The following LY96 variants were observed in gnomAD, a reference collection of about 807,000 sequenced individuals.
LY96 encodes the protein myeloid differentiation protein-2.
LY96 carries 18 observed loss-of-function variants against 18.9 expected under a neutral mutation model. The observed-to-expected ratio is 0.95, with a 90% CI of 0.66 to 1.41. The LOEUF is 1.41. LY96 is among the 40% of genes most tolerant of loss of function. The pLI, the probability that LY96 is intolerant of heterozygous loss-of-function variation, is 0.00. For synonymous variants in LY96, 66 were observed against 62.6 expected, an observed-to-expected ratio of 1.06 and a Z score of -0.26; for missense variants, 175 against 182.4, an observed-to-expected ratio of 0.96 and a Z score of 0.23.
At chr8:74,008,952 G>C (rs939379910) in intron 2 of LY96, among the ~76,000 whole-genome samples, 2 of 152,310 alleles carry the variant, frequency 1.3e-5, no homozygotes, top group African/African-American at 2.4e-5. Context: ...AGGGAAAGGA[G>C]CAGGCAGTTC....
chr8:74,025,805 C>T (rs1816859136), intron 3 of LY96, among the ~76,000 whole-genome samples: 1 of 152,106 alleles, frequency 6.6e-6, no homozygotes, highest in Non-Finnish European at 1.5e-5. Context: ...GTTGGGAGTT[C>T]GAGACCAGCC....
At chr8:74,094,398 T>C in the LY96 span, among the ~76,000 whole-genome samples, 1 of 152,210 alleles carries the variant, frequency 6.6e-6, no homozygotes, top group Admixed American at 6.5e-5. Flanking sequence ...TGTGCTAGTA[T>C]TGTTGAAGAT....
the LY96 span, among the ~76,000 whole-genome samples, chr8:74,070,096 T>C: frequency 6.7e-6 from 1 of 148,542 alleles, no homozygotes; most frequent in Non-Finnish European, 1.5e-5. Context: ...CCAATTTTCT[T>C]TCTTTTTTTT....
chr8:74,010,319 A>G (rs887518164), intron 3 of LY96, among the ~76,000 whole-genome samples, 190 bp downstream of exon 3: 13 of 152,174 alleles, frequency 8.5e-5, no homozygotes, highest in African/African-American at 2.7e-4. Flanking sequence ...TGACACTTAC[A>G]TGATTTGTAT....
the LY96 span, among the ~76,000 whole-genome samples, chr8:74,071,117 G>A: frequency 1.3e-5 from 2 of 152,156 alleles, no homozygotes; most frequent in African/African-American, 4.8e-5. Context: ...GCAGGTGTCA[G>A]AGCCAGGCAG....
the LY96 span, among the ~76,000 whole-genome samples, chr8:74,098,874 G>A: frequency 1.3e-5 from 2 of 152,192 alleles, no homozygotes; most frequent in Non-Finnish European, 2.9e-5. Context: ...TTTCTAAAAT[G>A]TAGCCAGTAA....
At chr8:74,053,833 C>T in the LY96 span, among the ~76,000 whole-genome samples, 4 of 152,108 alleles carry the variant, frequency 2.6e-5, no homozygotes, top group Non-Finnish European at 4.4e-5. Context: ...AGGGTAAGAC[C>T]CCCATGGTGA....
chr8:74,061,342 G>A, the LY96 span, among the ~76,000 whole-genome samples: 1 of 152,186 alleles, frequency 6.6e-6, no homozygotes, highest in South Asian at 2.1e-4. Flanking sequence ...CAGCACACTG[G>A]AACAAAACAA....
At chr8:74,011,471 C>T (rs1042939078) in intron 3 of LY96, among the ~76,000 whole-genome samples, 5 of 152,252 alleles carry the variant, frequency 3.3e-5, no homozygotes, top group Admixed American at 1.3e-4. Context: ...AGAAAAAATT[C>T]GCAAACTATT....
At chr8:73,997,247 C>T (rs1201349684) in intron 1 of LY96, among the ~76,000 whole-genome samples, 1 of 152,190 alleles carries the variant, frequency 6.6e-6, no homozygotes, top group Non-Finnish European at 1.5e-5. Context: ...TATCTCTTTC[C>T]CTCACCTATT....
downstream of LY96, among the ~76,000 whole-genome samples, chr8:74,031,160 C>T (rs962238931): frequency 1.9e-4 from 29 of 152,070 alleles, no homozygotes; most frequent in Admixed American, 4.6e-4. Context: ...TTCCTCCTTT[C>T]CTGTCCATGA....
At chr8:74,068,368 A>G in the LY96 span, among the ~76,000 whole-genome samples, 1 of 152,088 alleles carries the variant, frequency 6.6e-6, no homozygotes, top group African/African-American at 2.4e-5. Context: ...CTATTCATTT[A>G]CCTTTTGACA....
At chr8:74,032,495 T>C (rs10091898), downstream of LY96, among the ~76,000 whole-genome samples, 8,554 of 152,274 alleles carry the variant, frequency 0.056, 789 homozygotes, top group African/African-American at 0.19. Context: ...AGCCCCCTGT[T>C]ACGTACCCCC....
At chr8:74,077,283 A>G in the LY96 span, among the ~76,000 whole-genome samples, 1 of 152,180 alleles carries the variant, frequency 6.6e-6, no homozygotes, top group Admixed American at 6.5e-5. Flanking sequence ...GCATAAACTC[A>G]GGTGTGATCT....
the LY96 span, among the ~76,000 whole-genome samples, chr8:74,084,935 A>G: frequency 4.6e-5 from 7 of 152,168 alleles, no homozygotes; most frequent in Non-Finnish European, 7.4e-5. Flanking sequence ...CTTAAATTCA[A>G]CTTTGTAGAG....
At chr8:74,018,972 A>C (rs1405306361) in intron 3 of LY96, among the ~76,000 whole-genome samples, 1 of 152,118 alleles carries the variant, frequency 6.6e-6, no homozygotes, top group Admixed American at 6.5e-5. Flanking sequence ...GAGAAAGCAG[A>C]AAAGATCTAA....
chr8:74,089,873 A>AG, the LY96 span, among the ~76,000 whole-genome samples: 1 of 152,234 alleles, frequency 6.6e-6, no homozygotes, highest in South Asian at 2.1e-4. Context: ...TGTGTCATGT[A>AG]GGCATCTGAG....
the LY96 span, among the ~76,000 whole-genome samples, chr8:74,063,655 A>G: frequency 6.6e-6 from 1 of 152,026 alleles, no homozygotes; most frequent in African/African-American, 2.4e-5. Flanking sequence ...TAATATATCT[A>G]TTTATTTAGA....
chr8:74,005,556 G>A (rs1487348014), intron 2 of LY96, among the ~76,000 whole-genome samples: 1 of 152,200 alleles, frequency 6.6e-6, no homozygotes, highest in Admixed American at 6.5e-5. Context: ...AGATCTGTGT[G>A]TCAGCAAGCC....
Sources: gnomAD v4.1 joint callset for allele counts (sites outside exome capture counted in the v4.1 genomes callset) on GRCh38, gnomAD v4.1.1 for gene constraint, MANE v1.5 for transcripts, NCBI Gene and HGNC (gene_info 2026-07-23, HGNC 2026-07-21) for gene names.